KIAA0825: variants seen among roughly 807,000 people sequenced by gnomAD.
KIAA0825 encodes KIAA0825.
In KIAA0825, 119 loss-of-function variants were observed where a neutral mutation model predicts 147.6. That is an observed-to-expected ratio of 0.81 (90% confidence interval 0.69 to 0.94). The LOEUF (loss-of-function observed/expected upper bound fraction) is 0.94, where lower values mean the gene tolerates loss of function less well. Ranked by LOEUF, KIAA0825 falls within the 40% of genes least tolerant of loss-of-function variation. The pLI is 0.00. For synonymous variants in KIAA0825, 470 were observed against 518.1 expected, an observed-to-expected ratio of 0.91 and a Z score of 1.26; for missense variants, 1,381 against 1,472.7, an observed-to-expected ratio of 0.94 and a Z score of 1.02.
chr5:94,422,537 T>C (rs865977595), intron 14 of KIAA0825, among the ~76,000 whole-genome samples: 2 of 152,170 alleles, frequency 1.3e-5, no homozygotes, highest in Non-Finnish European at 2.9e-5. Context: ...AGTTAATGTC[T>C]TTTATCATAG....
chr5:94,200,973 A>ATATATATATATG (rs1299932150), intron 20 of KIAA0825, among the ~76,000 whole-genome samples: 9 of 144,184 alleles, frequency 6.2e-5, no homozygotes, highest in Non-Finnish European at 9.1e-5. Context: ...ATATATATAT[A>ATATATATATATG]TATATATATA....
At chr5:94,205,287 ATATATATATATATTTTG>A (rs1457307781) in intron 20 of KIAA0825, among the ~76,000 whole-genome samples, 1 of 140,910 alleles carries the variant, frequency 7.1e-6, no homozygotes, top group African/African-American at 2.7e-5. Context: ...ATATATATAT[ATATATATATATATTTTG>A]TTTTGTTTTG....
intron 5 of KIAA0825, among the ~76,000 whole-genome samples, chr5:94,501,587 A>G (rs1351811768): frequency 6.6e-6 from 1 of 152,186 alleles, no homozygotes; most frequent in Non-Finnish European, 1.5e-5. Flanking sequence ...TTTTGCAGCA[A>G]TGAGAGGATG....
At chr5:94,203,051 C>T (rs1771844986) in intron 20 of KIAA0825, among the ~76,000 whole-genome samples, 1 of 152,116 alleles carries the variant, frequency 6.6e-6, no homozygotes, top group South Asian at 2.1e-4. Flanking sequence ...TGTATACACA[C>T]AGAGAGACAT....
intron 20 of KIAA0825, among the ~76,000 whole-genome samples, chr5:94,172,480 C>T (rs1768714271): frequency 6.6e-6 from 1 of 152,172 alleles, no homozygotes; most frequent in African/African-American, 2.4e-5. Context: ...CCCCTAAATA[C>T]TCAGCAGCTT....
At chr5:94,339,292 C>G (rs532525036) in intron 20 of KIAA0825, among the ~76,000 whole-genome samples, 48 of 152,102 alleles carry the variant, frequency 3.2e-4, no homozygotes, top group Middle Eastern at 6.8e-3. Context: ...CACTTTAATT[C>G]CTATGAATAT....
At chr5:94,531,983 C>A (rs144347094) in intron 3 of KIAA0825, among the ~76,000 whole-genome samples, 264 of 151,836 alleles carry the variant, frequency 1.7e-3, no homozygotes, top group Non-Finnish European at 3.0e-3. Context: ...AGCCATCATA[C>A]GGAAAACTTG....
At chr5:94,213,945 G>A (rs1366803513) in intron 20 of KIAA0825, among the ~76,000 whole-genome samples, 1 of 152,156 alleles carries the variant, frequency 6.6e-6, no homozygotes, top group Non-Finnish European at 1.5e-5. Context: ...ACTCCAGGAT[G>A]ATAGGAACTG....
chr5:94,164,758 A>G (rs550755102), intron 20 of KIAA0825, among the ~76,000 whole-genome samples: 124 of 152,234 alleles, frequency 8.1e-4, no homozygotes, highest in Middle Eastern at 6.8e-3. Context: ...TGCACTGGGG[A>G]AAAGACAGTC....
intron 14 of KIAA0825, among the ~76,000 whole-genome samples, chr5:94,429,917 T>C (rs1466281698): frequency 6.6e-6 from 1 of 151,992 alleles, no homozygotes; most frequent in Non-Finnish European, 1.5e-5. Flanking sequence ...TGCCTGGGCG[T>C]GAAGTAGAAA....
intron 1 of KIAA0825, among the ~76,000 whole-genome samples, chr5:94,585,757 G>A (rs956950366): frequency 1.3e-4 from 19 of 151,998 alleles, no homozygotes; most frequent in Admixed American, 5.3e-4. Context: ...GCACCACGTC[G>A]CACTTTTTCT....
intron 5 of KIAA0825, among the ~76,000 whole-genome samples, chr5:94,508,632 C>T (rs541921107): frequency 1.3e-5 from 2 of 152,334 alleles, no homozygotes; most frequent in Admixed American, 1.3e-4. Flanking sequence ...AGAACAGATG[C>T]AGATGCTGAC....
At chr5:94,537,872 C>T (rs1772410077) in intron 2 of KIAA0825, among the ~76,000 whole-genome samples, 1 of 152,076 alleles carries the variant, frequency 6.6e-6, no homozygotes, top group Non-Finnish European at 1.5e-5. Flanking sequence ...AGCTTCACCC[C>T]ACTGGGTCTA....
chr5:94,511,029 T>C (rs921214631), intron 5 of KIAA0825, among the ~76,000 whole-genome samples: 2 of 151,950 alleles, frequency 1.3e-5, no homozygotes, highest in African/African-American at 4.8e-5. Context: ...GAGGGATAGG[T>C]GATGGGAGCA....
At chr5:94,418,920 C>T (rs1753820082) in intron 14 of KIAA0825, among the ~76,000 whole-genome samples, 1 of 152,082 alleles carries the variant, frequency 6.6e-6, no homozygotes, top group Admixed American at 6.6e-5. Flanking sequence ...CTCTGTCTCC[C>T]AGGCTGGAAT....
intron 20 of KIAA0825, among the ~76,000 whole-genome samples, chr5:94,330,950 C>T (rs775783193): frequency 6.6e-6 from 1 of 151,948 alleles, no homozygotes; most frequent in Non-Finnish European, 1.5e-5. Context: ...CCCTGGCCAA[C>T]ATTGTGAAAC....
At chr5:94,467,826 T>C (rs1760737421) in intron 10 of KIAA0825, among the ~76,000 whole-genome samples, 1 of 152,132 alleles carries the variant, frequency 6.6e-6, no homozygotes, top group Admixed American at 6.5e-5. Flanking sequence ...AAAAACATAC[T>C]AGTCCTGTTT....
chr5:94,527,591 T>TA (rs981360616), intron 3 of KIAA0825, among the ~76,000 whole-genome samples: 35 of 151,674 alleles, frequency 2.3e-4, no homozygotes, highest in Middle Eastern at 3.4e-3. Context: ...ACCCAAAATT[T>TA]AAAAAAAAAT....
intron 20 of KIAA0825, among the ~76,000 whole-genome samples, chr5:94,283,666 T>A (rs1343722722): frequency 6.6e-6 from 1 of 152,172 alleles, no homozygotes; most frequent in Admixed American, 6.5e-5. Flanking sequence ...AATTTATTTG[T>A]TATTCCCTAA....
Sources: gnomAD v4.1 joint callset for allele counts (sites outside exome capture counted in the v4.1 genomes callset) on GRCh38, gnomAD v4.1.1 for gene constraint, MANE v1.5 for transcripts, NCBI Gene and HGNC (gene_info 2026-07-23, HGNC 2026-07-21) for gene names.